The following PTPRM variants were observed in gnomAD, a reference collection of about 807,000 sequenced individuals.
The protein encoded by PTPRM is protein tyrosine phosphatase receptor type M.
In PTPRM, 47 loss-of-function variants were observed where a neutral mutation model predicts 186.7. The ratio of observed to expected loss-of-function variants is 0.25; its 90% confidence interval spans 0.20 to 0.32. PTPRM has a LOEUF of 0.32. Among genes scored for constraint, PTPRM ranks in the 10% least tolerant of loss-of-function variants. PTPRM has a pLI of 1.00. For synonymous variants in PTPRM, 668 were observed against 674.9 expected (o/e 0.99, Z 0.16); for missense variants, 1,494 against 1,865.0 (o/e 0.80, Z 3.66).
intron 1 of PTPRM, among the ~76,000 whole-genome samples, chr18:7,636,823 G>C (rs957954069): frequency 6.6e-6 from 1 of 152,098 alleles, no homozygotes; most frequent in Non-Finnish European, 1.5e-5. Flanking sequence ...AAAGCAACAG[G>C]CATAGTAATT....
At chr18:8,017,615 T>C (rs1406314060) in intron 7 of PTPRM, among the ~76,000 whole-genome samples, 3 of 145,332 alleles carry the variant, frequency 2.1e-5, no homozygotes, top group Non-Finnish European at 4.5e-5. Context: ...AATTAGAGCG[T>C]CCTCAGTGCT....
chr18:8,293,640 A>G (rs1394688935), intron 19 of PTPRM, among the ~76,000 whole-genome samples: 2 of 152,356 alleles, frequency 1.3e-5, no homozygotes, highest in East Asian at 3.9e-4. Context: ...TTGGAAGTCA[A>G]ATAGTAGTTA....
At position 7,964,793 on chromosome 18, in the gene PTPRM, C is replaced by G. The variant is rs928483420; in HGVS notation, c.1132+9379C>G. 5.3e-5 allele frequency among the ~76,000 whole-genome samples: 8 copies of G among 152,224 alleles called. No individual in the cohort carries two copies. In the South Asian group the frequency reaches 1.0e-3, roughly 20 times the overall value. On this transcript the variant is annotated intron_variant, in intron 7 of 32. Transcript: ENST00000580170. ...CAAGAAAAAGAAATGATCACATGTT[C>G]ACTGGAACCTGGGAAAACTTTTTGT...
intron 19 of PTPRM, among the ~76,000 whole-genome samples, chr18:8,273,399 C>G (rs542713003): frequency 6.6e-5 from 10 of 152,262 alleles, no homozygotes; most frequent in Admixed American, 2.0e-4. Flanking sequence ...CTCATTTTCC[C>G]TCTATGAATT....
Position 8,244,063 on chromosome 18 carries a change from T to G in PTPRM, c.2306T>G (p.Leu769Arg). The G allele has an allele frequency of 1.9e-6, 3 of 1,608,240 alleles. No homozygotes were observed. Among genetic ancestry groups the G allele is most frequent in the Non-Finnish European group, 2.5e-6 (3 of 1,178,306 alleles). Residue 769 changes from leucine to arginine, a missense_variant, in exon 15 of 33, where the codon CTG (leucine) becomes CGG (arginine). This residue lies in a region of PTPRM where 1,107 missense variants were observed against 1,350.2 expected (regional missense o/e 0.82). Transcript: ENST00000580170. ...ATTGAATTCTTTATCCTAAGGAAAC[T>G]GGCCAAGAAGCGGAAAGAGACCATG... ...GVVLVMKKRK[L>R]AKKRKETMSS... is the part of the protein sequence containing the mutation.
At chr18:8,160,977 A>G (rs2093219478) in intron 14 of PTPRM, among the ~76,000 whole-genome samples, 1 of 152,232 alleles carries the variant, frequency 6.6e-6, no homozygotes, top group South Asian at 2.1e-4. Flanking sequence ...TGATTTCTAT[A>G]AAAGCCTGAG....
At chr18:7,719,676 T>C (rs765865883) in intron 1 of PTPRM, among the ~76,000 whole-genome samples, 43 of 152,220 alleles carry the variant, frequency 2.8e-4, no homozygotes, top group Non-Finnish European at 4.3e-4. Flanking sequence ...GAGGCATTCC[T>C]ATTAAGTTTC....
chr18:8,061,552 T>C (rs1177228471), intron 7 of PTPRM, among the ~76,000 whole-genome samples: 1 of 90,956 alleles, frequency 1.1e-5, no homozygotes, highest in Admixed American at 1.1e-4. Flanking sequence ...CTTCCTAGTC[T>C]CGATGGTCTT....
chr18:8,345,520 T>C (rs2095500388), intron 23 of PTPRM, among the ~76,000 whole-genome samples: 1 of 152,020 alleles, frequency 6.6e-6, no homozygotes, highest in Non-Finnish European at 1.5e-5. Context: ...ACAGAAATTC[T>C]GAGTAGATAA....
Position 7,567,680 on chromosome 18 carries a change from G to A in PTPRM, c.-139G>A, listed in dbSNP as rs992743972. Reference sequence around the variant, plus strand: ...TGGAGTTCGGACTTCTGCAACTGTTGGCACTTTGGGGGCTTGGCTTAGCGC... The same window carrying A: ...TGGAGTTCGGACTTCTGCAACTGTTAGCACTTTGGGGGCTTGGCTTAGCGC... On this transcript the variant is annotated 5_prime_UTR_variant, in exon 1 of 33. Transcript: ENST00000580170. The surrounding 1 kb of genome is among the most constrained non-coding windows in gnomAD (Gnocchi z 4.3). The A allele has an allele frequency of 4.2e-6, 3 of 709,944 alleles. No homozygotes were observed. Among genetic ancestry groups the A allele is most frequent in the Non-Finnish European group, 4.2e-6 (2 of 472,326 alleles). The allele number at this position is 709,944 out of a possible 1,614,324, so 44.0% of individuals were successfully genotyped here.
chr18:7,680,574 A>G (rs1005067851), intron 1 of PTPRM, among the ~76,000 whole-genome samples: 8 of 152,150 alleles, frequency 5.3e-5, no homozygotes, highest in African/African-American at 1.9e-4. Flanking sequence ...TTCACATGCT[A>G]CAATTGTTGT....
chr18:7,682,213 C>T (rs116909836), intron 1 of PTPRM, among the ~76,000 whole-genome samples: 109 of 152,256 alleles, frequency 7.2e-4, no homozygotes, highest in Admixed American at 9.8e-4. Flanking sequence ...TCCTGGTTCA[C>T]ATGTATTTAA....
chr18:7,610,212 T>G (rs1279504523), intron 1 of PTPRM, among the ~76,000 whole-genome samples: 1 of 152,148 alleles, frequency 6.6e-6, no homozygotes, highest in African/African-American at 2.4e-5. Context: ...ACAACTTATT[T>G]GATAGGAATT....
At chr18:8,136,282 G>A (rs777609600) in intron 13 of PTPRM, among the ~76,000 whole-genome samples, 3 of 152,072 alleles carry the variant, frequency 2.0e-5, no homozygotes, top group Non-Finnish European at 4.4e-5. Context: ...TTTATTACTT[G>A]ATAATGATTT....
At chr18:7,705,839 G>A (rs1420707870) in intron 1 of PTPRM, among the ~76,000 whole-genome samples, 1 of 151,422 alleles carries the variant, frequency 6.6e-6, no homozygotes, top group Non-Finnish European at 1.5e-5. Flanking sequence ...AACTACAAGT[G>A]CTTTCTCTAA....
chr18:8,402,731 C>G (rs1011201702), intron 32 of PTPRM: 2 of 152,124 alleles, frequency 1.3e-5, no homozygotes, highest in Admixed American at 1.3e-4. Context: ...TTCCAATTAT[C>G]TCTTTTAAAT....
chr18:7,814,898 A>G (rs2044724827), intron 2 of PTPRM: 1 of 152,224 alleles, frequency 6.6e-6, no homozygotes, highest in Non-Finnish European at 1.5e-5. Context: ...AAATAAGTAC[A>G]GAAATTTACC....
intron 1 of PTPRM, among the ~76,000 whole-genome samples, chr18:7,753,588 C>T (rs540331928): frequency 3.9e-5 from 6 of 152,200 alleles, no homozygotes; most frequent in South Asian, 2.1e-4. Flanking sequence ...GTCAACACAA[C>T]GTAGTAAGAG....
At chr18:7,964,023 C>A (rs2053853004) in intron 7 of PTPRM, among the ~76,000 whole-genome samples, 1 of 152,096 alleles carries the variant, frequency 6.6e-6, no homozygotes, top group Admixed American at 6.5e-5. Flanking sequence ...TCCCCCAAAT[C>A]TCTTATATAT....
Sources: allele counts gnomAD v4.1 joint callset (sites outside exome capture counted in the v4.1 genomes callset), GRCh38; gene constraint gnomAD v4.1.1; regional missense constraint gnomAD v4.1.1; non-coding constraint Gnocchi (gnomAD v3.1); transcripts MANE v1.5; gene names NCBI Gene and HGNC (gene_info 2026-07-23, HGNC 2026-07-21).